The following FBXW10 variants were observed in gnomAD, a reference collection of about 807,000 sequenced individuals.
FBXW10 encodes F-box and WD repeat domain containing 10, also known as F-box/WD repeat-containing protein 10.
A neutral mutation model predicts 113.1 loss-of-function variants in FBXW10; 68 were observed. That is an observed-to-expected ratio of 0.60 (90% CI 0.49 to 0.74). The LOEUF is 0.74. Ranked by LOEUF, FBXW10 falls within the 30% of genes least tolerant of loss-of-function variation. FBXW10 has a pLI of 0.00. For missense variants in FBXW10, 753 were observed against 1,284.5 expected, an observed-to-expected ratio of 0.59 and a Z score of 6.32; for synonymous variants, 289 against 481.6, an observed-to-expected ratio of 0.60 and a Z score of 5.24.
intron 13 of FBXW10, among the ~76,000 whole-genome samples, chr17:18,777,256 T>A (rs4924925): frequency 6.6e-6 from 1 of 151,286 alleles, no homozygotes; most frequent in African/African-American, 2.4e-5. Context: ...TACAGACGGG[T>A]TTTCTCCATG....
chr17:18,774,075 T>C lies in FBXW10; in HGVS notation c.2279-1061T>C, dbSNP rs8070267. ...CATTCTGCTGTAAAGAGGTGACAAT[T>C]ACAAGGGGAGTTGCTTAACATTCTG... is the stretch of plus-strand genomic sequence containing the variant. On this transcript the variant is annotated intron_variant, in intron 12 of 13. Transcript: ENST00000395665. Among the ~76,000 whole-genome samples the C allele has an allele frequency of 2.6e-3, 340 of 132,896 alleles. 4 individuals carry two copies. Among genetic ancestry groups the C allele is most frequent in the African/African-American group, 9.3e-3 (312 of 33,562 alleles). The allele number at this position is 132,896 out of a possible 152,430, so 87.2% of individuals were successfully genotyped here. A position where few individuals can be genotyped will look rare whatever the true frequency, so the allele number is the denominator to read the frequency against.
intron 1 of FBXW10, among the ~76,000 whole-genome samples, chr17:18,747,137 C>G (rs748236715): frequency 2.2e-4 from 34 of 151,998 alleles, no homozygotes; most frequent in Non-Finnish European, 4.4e-4. Context: ...CGTGTTAGCC[C>G]GGATGGTCTC....
At chr17:18,747,605 A>T (rs1449963672) in intron 1 of FBXW10, among the ~76,000 whole-genome samples, 6 of 152,036 alleles carry the variant, frequency 3.9e-5, no homozygotes, top group African/African-American at 1.2e-4. Flanking sequence ...TTCTATTTTG[A>T]CTCGAGGGTG....
chr17:18,766,082 C>T (rs1175011108), intron 8 of FBXW10, among the ~76,000 whole-genome samples: 2 of 152,140 alleles, frequency 1.3e-5, no homozygotes, highest in Non-Finnish European at 2.9e-5. Flanking sequence ...CACTCTCATC[C>T]CCACTACAAG....
At chr17:18,775,072 A>G in intron 12 of FBXW10, 64 bp from the exon 13 acceptor site, 2 of 1,037,210 alleles carry the variant, frequency 1.9e-6, no homozygotes, top group African/African-American at 1.6e-5. Flanking sequence ...ATTATTGATT[A>G]TATTATTTTA....
At chr17:18,756,506 T>C (rs897640332) in intron 6 of FBXW10, among the ~76,000 whole-genome samples, 9 of 152,026 alleles carry the variant, frequency 5.9e-5, no homozygotes, top group Admixed American at 2.0e-4. Flanking sequence ...AGAAAATGTA[T>C]AGAGAAAGGC....
chr17:18,748,147 C>T (rs777918770), intron 2 of FBXW10, 42 bp downstream of exon 2: 27 of 1,610,876 alleles, frequency 1.7e-5, no homozygotes, highest in South Asian at 4.4e-5. Context: ...GGGCTAGGTG[C>T]GGTGGCTCAT....
rs763718808 is a variant in FBXW10, at chr17:18,748,106, G to T, written c.670+1G>T. On this transcript the variant is annotated splice_donor_variant, in intron 2 of 13. Coordinates refer to ENST00000395665, the MANE Select transcript of FBXW10 (RefSeq NM_001267585.2). LOFTEE classifies it high-confidence loss of function. ...TTGCTTGGGGCAGCATCTAACCCTG[G>T]TAAGTGAACTTTCAGCAAGAAAGCC... The T allele has an allele frequency of 1.2e-6, 2 of 1,613,794 alleles. No individual in the cohort carries two copies. Among genetic ancestry groups the T allele is most frequent in the Non-Finnish European group, 1.7e-6 (2 of 1,179,796 alleles).
chr17:18,771,145 T>C (rs1186896377), intron 11 of FBXW10, among the ~76,000 whole-genome samples: 2 of 151,944 alleles, frequency 1.3e-5, no homozygotes, highest in African/African-American at 4.8e-5. Context: ...CATTTTTTAC[T>C]CACAGCATCC....
At chr17:18,760,633 G>A (rs1212459018) in intron 7 of FBXW10, among the ~76,000 whole-genome samples, 1 of 152,142 alleles carries the variant, frequency 6.6e-6, no homozygotes, top group Non-Finnish European at 1.5e-5. Flanking sequence ...GAGAAACCCC[G>A]TCTCTACTAA....
In FBXW10 at chr17:18,748,012, C is replaced by A. The variant is rs756785563; in HGVS notation, c.577C>A (p.Gln193Lys). ...CCACAGCTCCAAGTCTGCGACCTCA[C>A]AAGTCTATTGGACAGCCAAAACTCA... ...KDHSSKSATSQVYWTAKTQHT... is the reference protein window; with the variant it reads ...KDHSSKSATSKVYWTAKTQHT... Residue 193 changes from glutamine (Q) to lysine (K), a missense_variant, in exon 2 of 14, where the codon CAA (glutamine) becomes AAA (lysine). Physicochemically the swap from Gln to Lys is moderately conservative, Grantham distance 53 (BLOSUM62 1). Coordinates refer to ENST00000395665, the MANE Select transcript of FBXW10 (RefSeq NM_001267585.2). 3 of 1,613,906 alleles carry A rather than the reference C, an allele frequency of 1.9e-6. No homozygotes were observed. In the South Asian group the frequency reaches 3.3e-5, roughly 18 times the overall value.
intron 8 of FBXW10, among the ~76,000 whole-genome samples, chr17:18,766,309 C>CTT (rs766966483): frequency 1.5e-5 from 2 of 132,832 alleles, no homozygotes; most frequent in African/African-American, 2.8e-5. Flanking sequence ...CCATGATTTT[C>CTT]TTTTTTTTTT....
In FBXW10 at chr17:18,770,022, T is replaced by G. The variant is rs780906120; in HGVS notation, c.1943T>G (p.Met648Arg). 2 of 1,614,194 alleles carry G rather than the reference T, an allele frequency of 1.2e-6. No individual in the cohort carries two copies. The highest frequency in any genetic ancestry group is 1.1e-5 in the South Asian group (1 of 91,092). The change falls in exon 11 of 14, where the codon ATG (methionine) becomes AGG (arginine). Residue 648 changes from methionine to arginine, a missense_variant. Physicochemically the swap from Met to Arg is moderately conservative, Grantham distance 91 (BLOSUM62 -1). Coordinates refer to ENST00000395665, the MANE Select transcript of FBXW10 (RefSeq NM_001267585.2). ...TACAATTTCCTCAACGGGAACTGTATGAAGGTGTTAAAAGCCAATGGCAGA... is the reference window on the plus strand; with the variant it reads ...TACAATTTCCTCAACGGGAACTGTAGGAAGGTGTTAAAAGCCAATGGCAGA... Reference protein sequence around the residue: ...RIYNFLNGNCMKVLKANGRGD... With the variant: ...RIYNFLNGNCRKVLKANGRGD...
chr17:18,744,980 C>A, intron 1 of FBXW10: 1 of 1,415,774 alleles, frequency 7.1e-7, no homozygotes, highest in Non-Finnish European at 9.2e-7. Context: ...GGAGGAAGTA[C>A]ACAACTTTTA....
intron 10 of FBXW10, 39 bp from the exon 11 acceptor site, chr17:18,769,888 G>C: frequency 1.3e-6 from 2 of 1,599,242 alleles, no homozygotes; most frequent in Non-Finnish European, 8.5e-7. Context: ...GGCATTTTAC[G>C]AGAGGATGGG....
rs767437618 is a variant in FBXW10, at chr17:18,747,961, G to A, written c.526G>A (p.Asp176Asn). Residue 176 changes from aspartate (D) to asparagine (N), a missense_variant, in exon 2 of 14, where the codon GAT (aspartate) becomes AAT (asparagine). Transcript: ENST00000395665. ...TTCAGGGCTCAATCAAGACATCACA[G>A]ATGTGTGTTTTTCCCCTGAGAAAGA... ...NISGLNQDIT[D>N]VCFSPEKDHS... The A allele has an allele frequency of 1.2e-6, 2 of 1,613,854 alleles. No individual in the cohort carries two copies. The highest frequency in any genetic ancestry group is 2.2e-5 in the South Asian group (2 of 91,070).
chr17:18,778,821 C>G lies in FBXW10; in HGVS notation c.2682C>G (p.Asn894Lys), dbSNP rs772587385. Residue 894 changes from asparagine to lysine, a missense_variant, in exon 14 of 14, where the codon AAC becomes AAG. By Grantham distance (94) the Asn-to-Lys change is moderately conservative. Transcript: ENST00000395665. ...TTGAAATCCAGAAACTGCAGCCCAA[C>G]TTGAAGATCTCTTTGCACAGTCCTA... ...IPLEIQKLQP[N>K]LKISLHSPRV... 3 of 1,613,850 alleles carry G rather than the reference C, an allele frequency of 1.9e-6. No individual in the cohort carries two copies. The highest frequency in any genetic ancestry group is 2.5e-6 in the Non-Finnish European group (3 of 1,179,888).
intron 6 of FBXW10, among the ~76,000 whole-genome samples, chr17:18,757,050 ATATG>A (rs1567618363): frequency 1.3e-5 from 2 of 152,168 alleles, no homozygotes; most frequent in South Asian, 2.1e-4. Context: ...CTCCTTATAT[ATATG>A]TGTGTACATA....
Position 18,772,408 on chromosome 17 carries a change from C to A in FBXW10, c.2007-4C>A. Reference sequence around the variant, plus strand: ...TGTGGACAACCCTGTTGTTTCGGTTCCAGGATGGTGGTCAACACAGAGAGC... The same window carrying A: ...TGTGGACAACCCTGTTGTTTCGGTTACAGGATGGTGGTCAACACAGAGAGC... On this transcript the variant is annotated splice_polypyrimidine_tract_variant and splice_region_variant and intron_variant, in intron 11 of 13. Transcript: ENST00000395665. The A allele has an allele frequency of 6.2e-7, 1 of 1,611,930 alleles. No individual in the cohort carries two copies. Among genetic ancestry groups the A allele is most frequent in the Non-Finnish European group, 8.5e-7 (1 of 1,178,946 alleles).
Sources: gnomAD v4.1 joint callset for allele counts (sites outside exome capture counted in the v4.1 genomes callset) on GRCh38, gnomAD v4.1.1 for gene constraint, MANE v1.5 for transcripts, NCBI Gene and HGNC (gene_info 2026-07-23, HGNC 2026-07-21) for gene names.